The following DENND6A variants were observed in gnomAD, a reference collection of about 807,000 sequenced individuals.
DENND6A encodes the protein DENN domain containing 6A.
In DENND6A, 43 loss-of-function variants were observed where a neutral mutation model predicts 95.5. The ratio of observed to expected loss-of-function variants is 0.45; its 90% confidence interval spans 0.35 to 0.58. DENND6A has a LOEUF of 0.58. DENND6A is among the 20% of genes least tolerant of loss of function. The pLI is 0.00. For missense variants in DENND6A, 574 were observed against 736.0 expected, an observed-to-expected ratio of 0.78 and a Z score of 2.55; for synonymous variants, 257 against 260.4, an observed-to-expected ratio of 0.99 and a Z score of 0.13.
At chr3:57,666,287 T>G (rs1214977270) in intron 3 of DENND6A, 52 bp from the exon 4 acceptor site, 13 of 1,375,370 alleles carry the variant, frequency 9.5e-6, no homozygotes, top group Non-Finnish European at 1.3e-5. Flanking sequence ...ATAACATTTA[T>G]CCAGTTTCAT....
At chr3:57,672,910 T>C (rs1218247549) in intron 1 of DENND6A, among the ~76,000 whole-genome samples, 2 of 151,832 alleles carry the variant, frequency 1.3e-5, no homozygotes, top group East Asian at 1.9e-4. Flanking sequence ...TACATATACA[T>C]AATGGGATAT....
Position 57,628,512 on chromosome 3 carries a change from G to A in DENND6A, c.1696-167C>T, listed in dbSNP as rs79936977. Among the ~76,000 whole-genome samples the A allele has an allele frequency of 3.3e-3, 501 of 152,134 alleles. 11 individuals are homozygous for A. The East Asian group carries it at 0.058, about 18-fold the overall frequency. Reference sequence around the variant, plus strand: ...AAGGAGCATTCTATTTAAACAATTCGTTATTGAGCTCAATAAAAGGCTTCT... The same window carrying A: ...AAGGAGCATTCTATTTAAACAATTCATTATTGAGCTCAATAAAAGGCTTCT... On this transcript the variant is annotated intron_variant, in intron 19 of 19. Transcript: ENST00000311128.
At position 57,662,172 on chromosome 3, in the gene DENND6A, T is replaced by C. The variant is rs1407586524; in HGVS notation, c.514-621A>G. ...ATTATTTTCTTTATTTTTGTTTCTT[T>C]CTTTTCTTTTTTCTTTTTTTTTTTT... is the stretch of plus-strand genomic sequence containing the variant. On this transcript the variant is annotated intron_variant, in intron 5 of 19. Coordinates refer to ENST00000311128, the MANE Select transcript of DENND6A (RefSeq NM_152678.3). Among the ~76,000 whole-genome samples the C allele has an allele frequency of 2.8e-5, 4 of 144,584 alleles. No homozygotes were observed. The Admixed American group carries it at 3.0e-4, about 11-fold the overall frequency. 94.9% of individuals were successfully genotyped at this position (144,584 alleles called of 152,430 possible).
At chr3:57,661,422 C>T (rs1431067354) in intron 6 of DENND6A, 24 bp downstream of exon 6, 1 of 1,490,068 alleles carries the variant, frequency 6.7e-7, no homozygotes, top group Non-Finnish European at 8.9e-7. Context: ...AAAACTCCTG[C>T]ATAAAGGTAT....
intron 9 of DENND6A, among the ~76,000 whole-genome samples, chr3:57,649,198 C>A (rs1225067398): frequency 6.6e-6 from 1 of 152,044 alleles, no homozygotes; most frequent in Non-Finnish European, 1.5e-5. Context: ...GGGCTAAGGA[C>A]ATGAATAGAC....
At chr3:57,672,675 C>T (rs551822192) in intron 1 of DENND6A, among the ~76,000 whole-genome samples, 162 of 151,904 alleles carry the variant, frequency 1.1e-3, no homozygotes, top group African/African-American at 3.9e-3. Context: ...CCCACCTACT[C>T]GGGAGGCTGA....
At chr3:57,672,018 A>G (rs6793860) in intron 3 of DENND6A, among the ~76,000 whole-genome samples, 152,198 of 152,318 alleles carry the variant, frequency 1, 76,039 homozygotes, top group Non-Finnish European at 1. Context: ...CAACCTCTTC[A>G]CTATTTTAAG....
At chr3:57,672,482 T>C in intron 1 of DENND6A, 44 bp from the exon 2 acceptor site, 11 of 1,579,212 alleles carry the variant, frequency 7.0e-6, no homozygotes, top group Non-Finnish European at 9.5e-6. Flanking sequence ...TTATAAACAT[T>C]AGTTATAAAC....
chr3:57,637,155 T>G (rs1334763370), intron 12 of DENND6A, among the ~76,000 whole-genome samples: 1 of 152,170 alleles, frequency 6.6e-6, no homozygotes, highest in African/African-American at 2.4e-5. Flanking sequence ...AGAGTTTATT[T>G]ATGATGCCCA....
intron 9 of DENND6A, among the ~76,000 whole-genome samples, chr3:57,648,730 G>C (rs2071131716): frequency 6.6e-6 from 1 of 152,126 alleles, no homozygotes; most frequent in South Asian, 2.1e-4. Context: ...ACAGTCAACT[G>C]ATCTTCAACA....
chr3:57,645,349 T>C (rs2071056866), intron 11 of DENND6A, among the ~76,000 whole-genome samples: 1 of 151,988 alleles, frequency 6.6e-6, no homozygotes, highest in Non-Finnish European at 1.5e-5. Context: ...TAATCCCAGC[T>C]ACTCAGGAGG....
At chr3:57,643,579 G>A (rs1253838880) in intron 11 of DENND6A, among the ~76,000 whole-genome samples, 5 of 152,040 alleles carry the variant, frequency 3.3e-5, no homozygotes, top group African/African-American at 1.2e-4. Context: ...TGTAATCCCA[G>A]CACTTTGGGA....
chr3:57,644,807 A>T (rs1310931014), intron 11 of DENND6A, among the ~76,000 whole-genome samples: 1 of 6,424 alleles, frequency 1.6e-4, no homozygotes, highest in Non-Finnish European at 2.4e-4. Context: ...AGGGGTGGGG[A>T]GGGGAGGGGA....
chr3:57,656,602 T>A (rs2071331952), intron 9 of DENND6A, among the ~76,000 whole-genome samples: 1 of 152,268 alleles, frequency 6.6e-6, no homozygotes, highest in Non-Finnish European at 1.5e-5. Flanking sequence ...ATCTTTTTTT[T>A]TTTTAAACTA....
intron 9 of DENND6A, among the ~76,000 whole-genome samples, chr3:57,652,896 G>C (rs939328778): frequency 5.3e-5 from 8 of 152,178 alleles, no homozygotes; most frequent in African/African-American, 1.7e-4. Flanking sequence ...GACTGAAGAT[G>C]ACTAATGAGA....
intron 1 of DENND6A, among the ~76,000 whole-genome samples, chr3:57,675,294 A>G (rs913282538): frequency 3.3e-5 from 5 of 152,236 alleles, no homozygotes; most frequent in Non-Finnish European, 7.3e-5. Flanking sequence ...TCATTAAGTT[A>G]TCAAGAACCA....
chr3:57,628,759 C>A, intron 19 of DENND6A, 52 bp downstream of exon 19: 2 of 1,567,546 alleles, frequency 1.3e-6, no homozygotes, highest in Non-Finnish European at 1.7e-6. Context: ...CATGAGAGGA[C>A]AATGTCTTCA....
chr3:57,650,713 C>G (rs1335260412), intron 9 of DENND6A, among the ~76,000 whole-genome samples: 3 of 151,798 alleles, frequency 2.0e-5, no homozygotes, highest in Non-Finnish European at 1.5e-5. Context: ...TTCATAATAA[C>G]CAAAAGTGTA....
chr3:57,654,120 T>C (rs950577877), intron 9 of DENND6A, among the ~76,000 whole-genome samples: 3 of 150,830 alleles, frequency 2.0e-5, no homozygotes, highest in South Asian at 2.1e-4. Flanking sequence ...GCTAATTTTT[T>C]TTTTTTTTGT....
Sources: allele counts gnomAD v4.1 joint callset (sites outside exome capture counted in the v4.1 genomes callset), GRCh38; gene constraint gnomAD v4.1.1; transcripts MANE v1.5; gene names NCBI Gene and HGNC (gene_info 2026-07-23, HGNC 2026-07-21).